MYO6: variants seen among roughly 807,000 people sequenced by gnomAD.
The protein encoded by MYO6 is myosin VI, also known as unconventional myosin-VI.
In MYO6, 74 loss-of-function variants were observed where a neutral mutation model predicts 178.7. The ratio of observed to expected loss-of-function variants is 0.41; its 90% CI spans 0.34 to 0.50. MYO6 has a LOEUF of 0.50. Ranked by LOEUF, MYO6 falls within the 20% of genes least tolerant of loss-of-function variation. The pLI is 0.09. For missense variants in MYO6, 1,330 were observed against 1,547.4 expected, an observed-to-expected ratio of 0.86 and a Z score of 2.36; for synonymous variants, 477 against 504.6, an observed-to-expected ratio of 0.95 and a Z score of 0.73.
At chr6:75,911,769 C>T in intron 33 of MYO6, 71 bp downstream of exon 33, 1 of 1,425,116 alleles carries the variant, frequency 7.0e-7, no homozygotes, top group South Asian at 1.2e-5. Context: ...GTACTAACTT[C>T]TATTAAAAGT....
At chr6:75,785,863 T>G (rs1354948104) in intron 1 of MYO6, among the ~76,000 whole-genome samples, 1 of 152,100 alleles carries the variant, frequency 6.6e-6, no homozygotes, top group East Asian at 1.9e-4. Context: ...TCTGCATTGC[T>G]TACTTCTGTT....
chr6:75,750,198 C>T (rs944064562), intron 1 of MYO6, among the ~76,000 whole-genome samples: 2 of 151,134 alleles, frequency 1.3e-5, no homozygotes, highest in Non-Finnish European at 2.9e-5. Flanking sequence ...CGGGTTCAAG[C>T]AATTCTCTGC....
intron 30 of MYO6, among the ~76,000 whole-genome samples, chr6:75,903,484 C>T (rs949059167): frequency 4.0e-5 from 6 of 151,708 alleles, no homozygotes; most frequent in Admixed American, 3.9e-4. Context: ...TATGTAATGG[C>T]CTTCTTTGTC....
At chr6:75,797,636 C>CCTTCGGG (rs1339455305) in intron 1 of MYO6, among the ~76,000 whole-genome samples, 6 of 152,076 alleles carry the variant, frequency 3.9e-5, no homozygotes, top group African/African-American at 1.4e-4. Flanking sequence ...TGGGCTCAAG[C>CCTTCGGG]CATTCTCCTG....
At chr6:75,766,536 C>T (rs1300879541) in intron 1 of MYO6, among the ~76,000 whole-genome samples, 1 of 152,030 alleles carries the variant, frequency 6.6e-6, no homozygotes, top group African/African-American at 2.4e-5. Flanking sequence ...TCCTTTACTA[C>T]AAGGCAGAAT....
chr6:75,901,635 G>A (rs1779783646), intron 30 of MYO6, among the ~76,000 whole-genome samples: 1 of 152,138 alleles, frequency 6.6e-6, no homozygotes, highest in Non-Finnish European at 1.5e-5. Context: ...CTGAGACAAT[G>A]GGGTTTTCTA....
chr6:75,911,575 C>A, intron 32 of MYO6, 97 bp from the exon 33 acceptor site: 1 of 1,041,938 alleles, frequency 9.6e-7, no homozygotes, highest in Non-Finnish European at 1.5e-6. Flanking sequence ...ACTTTTCAGT[C>A]ACCACCTCGA....
intron 1 of MYO6, among the ~76,000 whole-genome samples, chr6:75,763,893 T>C (rs749435122): frequency 6.6e-6 from 1 of 152,178 alleles, no homozygotes; most frequent in Non-Finnish European, 1.5e-5. Flanking sequence ...AATACTTATT[T>C]CCTGTAGTTA....
At chr6:75,828,908 T>C (rs553604604) in intron 4 of MYO6, among the ~76,000 whole-genome samples, 2 of 152,160 alleles carry the variant, frequency 1.3e-5, no homozygotes, top group Admixed American at 6.5e-5. Context: ...TTTGAGTATT[T>C]TTAAAAGCAC....
Position 75,885,675 on chromosome 6 carries a change from C to T in MYO6, c.2417-329C>T, listed in dbSNP as rs1356278594. On this transcript the variant is annotated intron_variant, in intron 23 of 34. Coordinates refer to ENST00000369977, the MANE Select transcript of MYO6 (RefSeq NM_004999.4). Reference sequence around the variant, plus strand: ...GTTAGCCAGGATGGTCTCAATCTCCCGACCCTACGATCCGCCCGCCTTGGC... The same window carrying T: ...GTTAGCCAGGATGGTCTCAATCTCCTGACCCTACGATCCGCCCGCCTTGGC... 4.6e-5 allele frequency among the ~76,000 whole-genome samples: 7 copies of T among 151,948 alleles called. No individual in the cohort carries two copies. In the East Asian group the frequency reaches 5.8e-4, roughly 13 times the overall value.
In MYO6 at chr6:75,834,911, A is replaced by G. The variant is rs1773491962; in HGVS notation, c.498-990A>G. On this transcript the variant is annotated intron_variant, in intron 6 of 34. Coordinates refer to ENST00000369977, the MANE Select transcript of MYO6 (RefSeq NM_004999.4). ...CAATTTCTTTTTCTTTCTTTCCTGT[A>G]TGTAATAGTCTATATGAGTCTATGG... Among the ~76,000 whole-genome samples, 4 of 152,150 alleles carry G rather than the reference A, an allele frequency of 2.6e-5. No individual in the cohort carries two copies. The South Asian group carries it at 8.3e-4, about 32-fold the overall frequency.
chr6:75,799,124 C>T (rs1769160165), intron 1 of MYO6, among the ~76,000 whole-genome samples: 1 of 152,180 alleles, frequency 6.6e-6, no homozygotes, highest in Non-Finnish European at 1.5e-5. Flanking sequence ...CGCGGTGGCT[C>T]ATGTCTGTAA....
At chr6:75,828,696 G>A in intron 4 of MYO6, 83 bp downstream of exon 4, 1 of 897,144 alleles carries the variant, frequency 1.1e-6, no homozygotes, top group South Asian at 1.3e-5. Context: ...GCTTGAAATT[G>A]TCTAACAGAA....
intron 19 of MYO6, among the ~76,000 whole-genome samples, chr6:75,871,936 G>C (rs2149324857): frequency 6.6e-6 from 1 of 152,156 alleles, no homozygotes; most frequent in East Asian, 1.9e-4. Context: ...AGACCAGCCT[G>C]CCCAATATGG....
At position 75,914,100 on chromosome 6, in the gene MYO6, G is replaced by C; in HGVS notation, c.3477G>C (p.Gln1159His). The C allele has an allele frequency of 6.2e-7, 1 of 1,614,142 alleles. No homozygotes were observed. Among genetic ancestry groups the C allele is most frequent in the Non-Finnish European group, 8.5e-7 (1 of 1,180,018 alleles). Residue 1159 changes from glutamine (Q) to histidine (H), a missense_variant, in exon 34 of 35, where the codon CAG becomes CAC. Coordinates refer to ENST00000369977, the MANE Select transcript of MYO6 (RefSeq NM_004999.4). ...CAGCAGCTCAGATTCCTGCCAGGCAGCGGGAGATTGAAATGAACCGACAGC... is the reference window on the plus strand; with the variant it reads ...CAGCAGCTCAGATTCCTGCCAGGCACCGGGAGATTGAAATGAACCGACAGC... ...QNPAAQIPAR[Q>H]REIEMNRQQR...
intron 33 of MYO6, 104 bp from the exon 34 acceptor site, chr6:75,913,959 G>C (rs1487500826): frequency 7.8e-6 from 7 of 892,218 alleles, no homozygotes; most frequent in African/African-American, 6.8e-5. Context: ...TACTATTAGG[G>C]ACCTTTCTTC....
At chr6:75,795,974 A>G (rs907669892) in intron 1 of MYO6, among the ~76,000 whole-genome samples, 3 of 152,240 alleles carry the variant, frequency 2.0e-5, no homozygotes, top group Non-Finnish European at 4.4e-5. Flanking sequence ...AGATCTATGG[A>G]TACTCAACAA....
At chr6:75,901,131 C>T (rs1472881095) in intron 30 of MYO6, among the ~76,000 whole-genome samples, 1 of 152,180 alleles carries the variant, frequency 6.6e-6, no homozygotes, top group Non-Finnish European at 1.5e-5. Flanking sequence ...GTTATGGTTA[C>T]TGTAGCCTTG....
intron 16 of MYO6, among the ~76,000 whole-genome samples, chr6:75,863,782 C>A (rs1050345287): frequency 2.0e-5 from 3 of 152,042 alleles, no homozygotes; most frequent in African/African-American, 7.2e-5. Context: ...CCGTGCCCGG[C>A]TCAGAAGACC....
Sources: allele counts gnomAD v4.1 joint callset (sites outside exome capture counted in the v4.1 genomes callset), GRCh38; gene constraint gnomAD v4.1.1; transcripts MANE v1.5; gene names NCBI Gene and HGNC (gene_info 2026-07-23, HGNC 2026-07-21).